CYP4Z1: variants seen among roughly 807,000 people sequenced by gnomAD.
CYP4Z1 encodes the protein cytochrome P450 4Z1.
A neutral mutation model predicts 54.2 loss-of-function variants in CYP4Z1; 41 were observed. That is an observed-to-expected ratio of 0.76 (90% confidence interval 0.59 to 0.98). CYP4Z1 has a LOEUF of 0.98. Among genes scored for constraint, CYP4Z1 ranks in the 50% least tolerant of loss-of-function variants. The probability of loss-of-function intolerance (pLI) is 0.00; values close to 1 mark genes in which losing one functional copy is unlikely to be tolerated. For synonymous variants in CYP4Z1, 163 were observed against 206.2 expected (o/e 0.79, Z 1.79); for missense variants, 513 against 599.0 (o/e 0.86, Z 1.50).
In CYP4Z1 at chr1:47,106,127, G is replaced by C. The variant is rs182252689; in HGVS notation, c.1068-1G>C. The C allele has an allele frequency of 9.9e-6, 16 of 1,612,724 alleles. No individual in the cohort carries two copies. In the African/African-American group the frequency reaches 1.6e-4, roughly 16 times the overall value. On this transcript the variant is annotated splice_acceptor_variant, in intron 8 of 11. Transcript: ENST00000334194. LOFTEE classifies it high-confidence loss of function. The stretch of plus-strand genomic sequence containing the variant: ...TCCTTTCCTCCTGTGCTTCTACCCA[G>C]GGAACACCTGAGCCAGATGCCTTAC...
the CYP4Z1 span, among the ~76,000 whole-genome samples, chr1:47,059,762 G>A: frequency 6.6e-6 from 1 of 152,182 alleles, no homozygotes; most frequent in Admixed American, 6.6e-5. Flanking sequence ...AGGCTGGGCT[G>A]TTTCCTAAGC....
chr1:47,106,519 T>C (rs1312834669), intron 9 of CYP4Z1, among the ~76,000 whole-genome samples: 2 of 152,044 alleles, frequency 1.3e-5, no homozygotes, highest in Non-Finnish European at 2.9e-5. Flanking sequence ...GCATCACGGC[T>C]TTAATGCTGA....
In CYP4Z1 at chr1:47,088,791, AT is replaced by A. The variant is rs571203300; in HGVS notation, c.772+3823del. 3.4e-3 allele frequency among the ~76,000 whole-genome samples: 411 copies of A among 119,730 alleles called. 2 individuals carry two copies. Among genetic ancestry groups the A allele is most frequent in the Non-Finnish European group, 5.2e-3 (306 of 58,898 alleles). 78.5% of individuals were successfully genotyped at this position (119,730 alleles called of 152,430 possible). A position where few individuals can be genotyped will look rare whatever the true frequency, so the allele number is the denominator to read the frequency against. The stretch of plus-strand genomic sequence containing the variant: ...GCCACCACACCCGGCTAAATATTGT[AT>A]TTTTTTTTTACTAGAGGCAGGGTTT... On this transcript the variant is annotated intron_variant, in intron 6 of 11. Coordinates refer to ENST00000334194, the MANE Select transcript of CYP4Z1 (RefSeq NM_178134.3).
At chr1:47,067,719 T>TA (rs573070846) in intron 1 of CYP4Z1, 52 bp downstream of exon 1, 2,140 of 1,456,564 alleles carry the variant, frequency 1.5e-3, no homozygotes, top group South Asian at 2.7e-3. Flanking sequence ...GATGAGGTAT[T>TA]AAAAAAAAAC....
At chr1:47,085,288 C>T (rs908761289) in intron 6 of CYP4Z1, among the ~76,000 whole-genome samples, 1 of 151,974 alleles carries the variant, frequency 6.6e-6, no homozygotes, top group Non-Finnish European at 1.5e-5. Flanking sequence ...AAAGGAAGTA[C>T]ATTTCTGTAG....
chr1:47,085,126 T>A, intron 6 of CYP4Z1, 148 bp downstream of exon 6: 1 of 661,624 alleles, frequency 1.5e-6, no homozygotes, highest in South Asian at 2.0e-5. Context: ...ATGAATGTGC[T>A]ACATAAATGC....
At chr1:47,115,423 G>C (rs1644822611) in intron 9 of CYP4Z1, 106 bp from the exon 10 acceptor site, 1 of 994,562 alleles carries the variant, frequency 1.0e-6, no homozygotes, top group Admixed American at 2.4e-5. Flanking sequence ...TTGTGCATAT[G>C]TACCCTAAAA....
the CYP4Z1 span, among the ~76,000 whole-genome samples, chr1:47,059,557 C>T: frequency 6.6e-6 from 1 of 152,160 alleles, no homozygotes. Flanking sequence ...AATTTCCTGA[C>T]TCTGCCCATG....
At chr1:47,108,959 T>A (rs1248876850) in intron 9 of CYP4Z1, among the ~76,000 whole-genome samples, 1 of 152,104 alleles carries the variant, frequency 6.6e-6, no homozygotes, top group Admixed American at 6.6e-5. Flanking sequence ...TCTCAGTTAT[T>A]GCCTTTGTCA....
intron 9 of CYP4Z1, among the ~76,000 whole-genome samples, chr1:47,112,441 A>G (rs1644798182): frequency 6.6e-6 from 1 of 152,224 alleles, no homozygotes; most frequent in South Asian, 2.1e-4. Context: ...ATATAATCCC[A>G]GTAATACTTA....
Position 47,078,807 on chromosome 1 carries a change from A to C in CYP4Z1, c.320-1816A>C, listed in dbSNP as rs373858226. 3.2e-4 allele frequency among the ~76,000 whole-genome samples: 44 copies of C among 137,382 alleles called. 1 individual carries two copies. In the East Asian group the frequency reaches 0.011, roughly 33 times the overall value. The allele number at this position is 137,382 out of a possible 152,430, so 90.1% of individuals were successfully genotyped here. The stretch of plus-strand genomic sequence containing the variant: ...TCTCTTTCTTCTTGCACTTTGTGTA[A>C]GGACTAGTCAAAGTTGAAAGCCTGT... On this transcript the variant is annotated intron_variant, in intron 2 of 11. Transcript: ENST00000334194.
At chr1:47,088,081 G>A (rs147352059) in intron 6 of CYP4Z1, among the ~76,000 whole-genome samples, 24,376 of 152,052 alleles carry the variant, frequency 0.16, 2,693 homozygotes, top group African/African-American at 0.32. Context: ...TTGATGTGCT[G>A]CTGGATTCCG....
At chr1:47,104,879 C>T (rs1302982880) in intron 8 of CYP4Z1, among the ~76,000 whole-genome samples, 2 of 151,554 alleles carry the variant, frequency 1.3e-5, no homozygotes, top group Non-Finnish European at 2.9e-5. Context: ...AGCAGCTGAG[C>T]TATGGCCCTG....
At chr1:47,099,545 T>C (rs1644705431) in intron 8 of CYP4Z1, among the ~76,000 whole-genome samples, 1 of 152,176 alleles carries the variant, frequency 6.6e-6, no homozygotes, top group Non-Finnish European at 1.5e-5. Context: ...GCGGAAAGAA[T>C]AGTCTGCCTA....
intron 6 of CYP4Z1, among the ~76,000 whole-genome samples, chr1:47,087,690 T>C (rs1378208912): frequency 6.6e-6 from 1 of 152,220 alleles, no homozygotes; most frequent in Non-Finnish European, 1.5e-5. Context: ...CTTTATTTCT[T>C]TCTCTTGCCT....
At chr1:47,086,428 A>G (rs1432242106) in intron 6 of CYP4Z1, among the ~76,000 whole-genome samples, 1 of 152,062 alleles carries the variant, frequency 6.6e-6, no homozygotes, top group African/African-American at 2.4e-5. Flanking sequence ...TTTGATTTGC[A>G]TTTCTCTGAT....
chr1:47,077,837 T>C (rs1382489471), intron 2 of CYP4Z1, among the ~76,000 whole-genome samples: 1 of 152,008 alleles, frequency 6.6e-6, no homozygotes, highest in Non-Finnish European at 1.5e-5. Context: ...CAGGCTGGTC[T>C]CAAACTGCTG....
At chr1:47,078,128 A>G (rs1644538807) in intron 2 of CYP4Z1, among the ~76,000 whole-genome samples, 1 of 152,164 alleles carries the variant, frequency 6.6e-6, no homozygotes, top group Non-Finnish European at 1.5e-5. Context: ...TCTTCAACTT[A>G]GTTTTCCCTC....
At position 47,099,170 on chromosome 1, in the gene CYP4Z1, C is replaced by A; in HGVS notation, c.953C>A (p.Thr318Asn). Reference protein sequence around the residue: ...VKTFMFAGHDTTSSAISWILY... With the variant: ...VKTFMFAGHDNTSSAISWILY... The stretch of plus-strand genomic sequence containing the variant: ...ACGTTCATGTTTGCAGGACATGACA[C>A]CACATCCAGTGCTATCTCCTGGATC... The change falls in exon 8 of 12, where the codon ACC (threonine) becomes AAC (asparagine). Residue 318 changes from threonine to asparagine, a missense_variant. Physicochemically the swap from Thr to Asn is moderately conservative, Grantham distance 65. Coordinates refer to ENST00000334194, the MANE Select transcript of CYP4Z1 (RefSeq NM_178134.3). 2 of 1,614,006 alleles carry A rather than the reference C, an allele frequency of 1.2e-6. No individual in the cohort carries two copies. The highest frequency in any genetic ancestry group is 2.2e-5 in the East Asian group (1 of 44,846).
Sources: allele counts gnomAD v4.1 joint callset (sites outside exome capture counted in the v4.1 genomes callset), GRCh38; gene constraint gnomAD v4.1.1; transcripts MANE v1.5; gene names NCBI Gene and HGNC (gene_info 2026-07-23, HGNC 2026-07-21).